RALGPS2: variants seen among roughly 807,000 people sequenced by gnomAD.
The protein encoded by RALGPS2 is Ral GEF with PH domain and SH3 binding motif 2.
RALGPS2 carries 43 observed loss-of-function variants against 86.8 expected under a neutral mutation model. That is an observed-to-expected ratio of 0.50 (90% CI 0.39 to 0.64). RALGPS2 has a LOEUF of 0.64. RALGPS2 is among the 30% of genes least tolerant of loss of function. The probability of loss-of-function intolerance (pLI) is 0.00; values close to 1 mark genes in which losing one functional copy is unlikely to be tolerated. For missense variants in RALGPS2, 536 were observed against 694.6 expected (o/e 0.77, Z 2.57); for synonymous variants, 243 against 231.3 (o/e 1.05, Z -0.46).
chr1:178,884,677 C>G (rs1295017865), intron 11 of RALGPS2, among the ~76,000 whole-genome samples: 1 of 152,082 alleles, frequency 6.6e-6, no homozygotes, highest in Non-Finnish European at 1.5e-5. Context: ...GTTTGACCTA[C>G]CCTACACATT....
intron 8 of RALGPS2, among the ~76,000 whole-genome samples, chr1:178,869,834 G>A (rs1174414093): frequency 6.6e-6 from 1 of 151,976 alleles, no homozygotes; most frequent in Admixed American, 6.6e-5. Flanking sequence ...TATTGGTAAC[G>A]AGTAATTTTA....
At chr1:178,781,921 G>A (rs1321009902) in intron 2 of RALGPS2, among the ~76,000 whole-genome samples, 1 of 152,120 alleles carries the variant, frequency 6.6e-6, no homozygotes, top group Non-Finnish European at 1.5e-5. Context: ...ACTCCATTTT[G>A]TTTATGAGAC....
chr1:178,857,022 A>G (rs973993295), intron 8 of RALGPS2, among the ~76,000 whole-genome samples: 3 of 152,196 alleles, frequency 2.0e-5, no homozygotes, highest in African/African-American at 7.2e-5. Context: ...CATATGGGCT[A>G]CTTCACATTA....
chr1:178,762,709 T>A (rs1652311876), intron 1 of RALGPS2, among the ~76,000 whole-genome samples: 1 of 152,220 alleles, frequency 6.6e-6, no homozygotes, highest in Admixed American at 6.5e-5. Flanking sequence ...GTTTTTTGCT[T>A]GTAAATTTGT....
chr1:178,769,700 A>G (rs1652688960), intron 1 of RALGPS2, among the ~76,000 whole-genome samples: 1 of 152,180 alleles, frequency 6.6e-6, no homozygotes, highest in Non-Finnish European at 1.5e-5. Flanking sequence ...CCCTGGCTGC[A>G]CGTCTCATTG....
intron 8 of RALGPS2, among the ~76,000 whole-genome samples, chr1:178,865,967 A>T (rs372125016): frequency 2.6e-5 from 4 of 152,222 alleles, no homozygotes; most frequent in Non-Finnish European, 5.9e-5. Flanking sequence ...TTTAATATTA[A>T]GTTGTAATAC....
chr1:178,836,380 C>CT (rs112831596), intron 8 of RALGPS2, among the ~76,000 whole-genome samples: 1 of 152,154 alleles, frequency 6.6e-6, no homozygotes, highest in Non-Finnish European at 1.5e-5. Context: ...ATGACTCCTT[C>CT]TTTTTTTCAG....
chr1:178,838,345 G>A (rs763406912), intron 8 of RALGPS2, among the ~76,000 whole-genome samples: 1 of 152,168 alleles, frequency 6.6e-6, no homozygotes, highest in African/African-American at 2.4e-5. Context: ...GAACAATCAG[G>A]CAGCAACATT....
Position 178,885,203 on chromosome 1 carries a change from G to C in RALGPS2, c.1032G>C (p.Leu344Phe). ...IPHGHRKCHSLGYNFIHKMNT... is the reference protein window; with the variant it reads ...IPHGHRKCHSFGYNFIHKMNT... ...ATGGACATAGGAAGTGCCATAGTTT[G>C]GGTTATAAGTCAGCATTTTTAATTT... Residue 344 changes from leucine to phenylalanine, a missense_variant, in exon 12 of 20, where the codon TTG becomes TTC. By Grantham distance (22) the Leu-to-Phe change is conservative. Around this residue, in one of 3 missense-constraint regions of RALGPS2, gnomAD observed 309 missense variants for 363.0 expected, o/e 0.85. Transcript: ENST00000367635. 2 of 1,608,106 alleles carry C rather than the reference G, an allele frequency of 1.2e-6. No homozygotes were observed. The highest frequency in any genetic ancestry group is 1.3e-5 in the African/African-American group (1 of 74,710).
chr1:178,906,225 C>A (rs1422995233), intron 18 of RALGPS2, among the ~76,000 whole-genome samples: 1 of 151,892 alleles, frequency 6.6e-6, no homozygotes, highest in East Asian at 1.9e-4. Flanking sequence ...ATACAAAAAA[C>A]TTAGCTGGGC....
Position 178,886,114 on chromosome 1 carries a change from T to C in RALGPS2, c.1186T>C (p.Ser396Pro). 6.2e-7 allele frequency: 1 copy of C among 1,609,918 alleles called. No homozygotes were observed. The highest frequency in any genetic ancestry group is 8.5e-7 in the Non-Finnish European group (1 of 1,178,876). Residue 396 changes from serine (S) to proline (P), a missense_variant, in exon 13 of 20, where the codon TCA becomes CCA. Ser to Pro is a moderately conservative substitution (Grantham distance 74). Transcript: ENST00000367635. Reference sequence around the variant, plus strand: ...AAGTTCTACTCTTTCTAGTGGAATATCAATAGGTGAGAAATACTTCTCTGA... The same window carrying C: ...AAGTTCTACTCTTTCTAGTGGAATACCAATAGGTGAGAAATACTTCTCTGA... The part of the protein sequence containing the change: ...AESSTLSSGI[S>P]IGSSDGSELS...
At chr1:178,725,829 A>G (rs1467570688) in intron 1 of RALGPS2, 1 of 152,122 alleles carries the variant, frequency 6.6e-6, no homozygotes, top group Non-Finnish European at 1.5e-5. Context: ...CCGATCCCGG[A>G]CCTCGGAGCC....
At chr1:178,864,938 G>A (rs757818010) in intron 8 of RALGPS2, 166 of 1,419,774 alleles carry the variant, frequency 1.2e-4, no homozygotes, top group Non-Finnish European at 1.5e-4. Context: ...ACTTTTTACA[G>A]TAAGAGGTAA....
chr1:178,867,119 A>T (rs774458512), intron 8 of RALGPS2, among the ~76,000 whole-genome samples: 8 of 152,118 alleles, frequency 5.3e-5, no homozygotes, highest in Non-Finnish European at 1.2e-4. Flanking sequence ...TGATTTAAGA[A>T]ACCAGCTCCT....
intron 17 of RALGPS2, 52 bp downstream of exon 17, chr1:178,897,808 T>G (rs573054437): frequency 1.3e-6 from 2 of 1,515,366 alleles, no homozygotes; most frequent in Admixed American, 1.7e-5. Flanking sequence ...CTGTTCATGG[T>G]TATAAAGAAA....
rs1231811647 is a variant in RALGPS2, at chr1:178,886,136, C to T, written c.1192+16C>T. The stretch of plus-strand genomic sequence containing the variant: ...ATATCAATAGGTGAGAAATACTTCT[C>T]TGAGAGGGTTGCAATTTAACTTTAA... On this transcript the variant is annotated intron_variant, in intron 13 of 19. Coordinates refer to ENST00000367635, the MANE Select transcript of RALGPS2 (RefSeq NM_152663.5). The T allele has an allele frequency of 6.2e-7, 1 of 1,601,686 alleles. No homozygotes were observed. The highest frequency in any genetic ancestry group is 8.5e-7 in the Non-Finnish European group (1 of 1,175,760).
intron 1 of RALGPS2, chr1:178,747,029 T>G: frequency 1.1e-6 from 1 of 894,386 alleles, no homozygotes; most frequent in Non-Finnish European, 1.9e-6. Flanking sequence ...GCTCCTTCTG[T>G]TATAGCCATG....
intron 1 of RALGPS2, chr1:178,746,831 T>G: frequency 8.6e-7 from 1 of 1,168,280 alleles, no homozygotes; most frequent in Middle Eastern, 2.8e-4. Flanking sequence ...CTCCATTGTA[T>G]CTTGCATTTT....
chr1:178,834,055 C>G (rs1325739874), intron 8 of RALGPS2, among the ~76,000 whole-genome samples: 1 of 152,020 alleles, frequency 6.6e-6, no homozygotes, highest in Non-Finnish European at 1.5e-5. Context: ...GAATTTATCT[C>G]TTTATTATAT....
Sources: allele counts gnomAD v4.1 joint callset (sites outside exome capture counted in the v4.1 genomes callset), GRCh38; gene constraint gnomAD v4.1.1; regional missense constraint gnomAD v4.1.1; transcripts MANE v1.5; gene names NCBI Gene and HGNC (gene_info 2026-07-23, HGNC 2026-07-21).